YWHAB: variants seen among roughly 807,000 people sequenced by gnomAD.
YWHAB encodes tyrosine 3-monooxygenase/tryptophan 5-monooxygenase activation protein beta, also known as 14-3-3 protein beta/alpha.
Under a neutral mutation model 28.5 loss-of-function variants are expected in YWHAB, and 2 were observed. The ratio of observed to expected loss-of-function variants is 0.07; its 90% CI spans 0.03 to 0.22. The LOEUF (loss-of-function observed/expected upper bound fraction) is 0.22, where lower values mean the gene tolerates loss of function less well. YWHAB is among the 10% of genes least tolerant of loss of function. YWHAB has a pLI of 1.00. For missense variants in YWHAB, 148 were observed against 297.1 expected (o/e 0.50, Z 3.69); for synonymous variants, 103 against 104.7 (o/e 0.98, Z 0.10).
chr20:44,905,159 C>T (rs1211099905), intron 4 of YWHAB, 28 bp downstream of exon 4: 1 of 1,582,804 alleles, frequency 6.3e-7, no homozygotes, highest in South Asian at 1.2e-5. Context: ...TGATATCTAA[C>T]CATAGCAAAA....
intron 3 of YWHAB, among the ~76,000 whole-genome samples, chr20:44,904,553 A>G (rs1297594748): frequency 6.6e-6 from 1 of 152,158 alleles, no homozygotes; most frequent in Non-Finnish European, 1.5e-5. Flanking sequence ...GTTAGGTGGC[A>G]GGCTGCCCAT....
rs1204438902 is a variant in YWHAB, at chr20:44,907,222, A to G, written c.*784A>G. On this transcript the variant is annotated 3_prime_UTR_variant, in exon 6 of 6. Coordinates refer to ENST00000353703, the MANE Select transcript of YWHAB (RefSeq NM_139323.4). ...CTACTTTCATTGTTAACACTGAGCT[A>G]AAGAAAAAAAGCCGTGTGTTTTATG... The G allele has an allele frequency of 6.6e-6, 1 of 152,286 alleles. No homozygotes were observed. The highest frequency in any genetic ancestry group is 2.4e-5 in the African/African-American group (1 of 41,464). The allele number at this position is 152,286 out of a possible 1,614,324, so 9.4% of individuals were successfully genotyped here.
At chr20:44,892,266 G>T (rs1379027659) in intron 1 of YWHAB, among the ~76,000 whole-genome samples, 1 of 151,868 alleles carries the variant, frequency 6.6e-6, no homozygotes, top group Non-Finnish European at 1.5e-5. Context: ...ATCTGCTTTG[G>T]CCTTTGATTT....
chr20:44,898,028 C>T (rs1270732104), intron 1 of YWHAB, among the ~76,000 whole-genome samples: 1 of 152,016 alleles, frequency 6.6e-6, no homozygotes, highest in African/African-American at 2.4e-5. Context: ...GGGAGGCACA[C>T]GTAGGATATT....
intron 1 of YWHAB, among the ~76,000 whole-genome samples, chr20:44,891,294 C>T (rs1451598592): frequency 2.6e-5 from 4 of 152,018 alleles, no homozygotes; most frequent in African/African-American, 4.8e-5. Context: ...TTAGTAGAGA[C>T]GGGGTTTCAC....
chr20:44,904,540 C>A (rs564506313), intron 3 of YWHAB, among the ~76,000 whole-genome samples: 1 of 152,094 alleles, frequency 6.6e-6, no homozygotes, highest in Non-Finnish European at 1.5e-5. Flanking sequence ...CACAGCCTTA[C>A]GAGTTAGGTG....
chr20:44,906,190 T>C, intron 5 of YWHAB, 94 bp downstream of exon 5: 1 of 1,241,406 alleles, frequency 8.1e-7, no homozygotes, highest in Admixed American at 2.0e-5. Context: ...TACCATTAAA[T>C]GTAGTTACAG....
intron 2 of YWHAB, 87 bp from the exon 3 acceptor site, chr20:44,903,906 A>G: frequency 6.9e-7 from 1 of 1,440,270 alleles, no homozygotes; most frequent in South Asian, 1.3e-5. Context: ...AAAATTATTT[A>G]GAAGCAGTAG....
rs76216666 is a variant in YWHAB at position 44,896,219 on chromosome 20, A to G, written c.-3-5312A>G. ...ATTTTTTTAAAGTGAAATTGATTCT[A>G]TCTGTTTTTACTTAACCCATTATGA... On this transcript the variant is annotated intron_variant, in intron 1 of 5. Transcript: ENST00000353703. Among the ~76,000 whole-genome samples the G allele has an allele frequency of 5.8e-3, 877 of 152,344 alleles. 6 individuals are homozygous for G. The highest frequency in any genetic ancestry group is 0.02 in the African/African-American group (828 of 41,588).
intron 1 of YWHAB, among the ~76,000 whole-genome samples, chr20:44,898,735 T>G (rs975584723): frequency 4.6e-5 from 7 of 152,110 alleles, no homozygotes; most frequent in Non-Finnish European, 1.0e-4. Flanking sequence ...CTCGATCTCC[T>G]GACCTCGTGA....
At chr20:44,897,433 A>G (rs8120838) in intron 1 of YWHAB, among the ~76,000 whole-genome samples, 1 of 152,080 alleles carries the variant, frequency 6.6e-6, no homozygotes, top group Non-Finnish European at 1.5e-5. Flanking sequence ...CAGACTGGAA[A>G]TTTTCTGAAG....
At chr20:44,899,249 C>T (rs764391688) in intron 1 of YWHAB, among the ~76,000 whole-genome samples, 5 of 152,222 alleles carry the variant, frequency 3.3e-5, no homozygotes, top group African/African-American at 7.2e-5. Context: ...GAGGCCAAGG[C>T]GGGCAGATCA....
At chr20:44,898,505 T>G (rs992068633) in intron 1 of YWHAB, among the ~76,000 whole-genome samples, 11 of 148,398 alleles carry the variant, frequency 7.4e-5, no homozygotes, top group African/African-American at 1.2e-4. Flanking sequence ...TACTTTCTTG[T>G]TTTTTTTTTC....
At chr20:44,903,799 AT>A in intron 2 of YWHAB, 193 bp from the exon 3 acceptor site, 1 of 551,262 alleles carries the variant, frequency 1.8e-6, no homozygotes, top group Non-Finnish European at 3.1e-6. Context: ...GGTCAAAGTG[AT>A]TTTTAACAGA....
At chr20:44,895,082 C>A (rs996373706) in intron 1 of YWHAB, among the ~76,000 whole-genome samples, 5 of 152,130 alleles carry the variant, frequency 3.3e-5, no homozygotes, top group Non-Finnish European at 7.3e-5. Context: ...AGTCCTAGAC[C>A]ATGTAATAGG....
chr20:44,902,595 CCTTT>C (rs1439186204), intron 2 of YWHAB: 1 of 152,180 alleles, frequency 6.6e-6, no homozygotes, highest in Non-Finnish European at 1.5e-5. Flanking sequence ...CTGCTGGCTG[CCTTT>C]CTAAATTACT....
chr20:44,905,267 G>A (rs1023750756), intron 4 of YWHAB, 136 bp downstream of exon 4: 1 of 795,518 alleles, frequency 1.3e-6, no homozygotes, highest in Non-Finnish European at 1.9e-6. Flanking sequence ...TATCTTTTAT[G>A]AGATAAATAC....
At chr20:44,889,144 A>T (rs956642053) in intron 1 of YWHAB, among the ~76,000 whole-genome samples, 3 of 152,258 alleles carry the variant, frequency 2.0e-5, no homozygotes, top group Non-Finnish European at 4.4e-5. Context: ...AATTATGGTT[A>T]CATAATAGCA....
Position 44,906,389 on chromosome 20 carries a change from C to T in YWHAB, c.692C>T (p.Thr231Ile). The T allele has an allele frequency of 6.2e-7, 1 of 1,610,156 alleles. No individual in the cohort carries two copies. The highest frequency in any genetic ancestry group is 8.5e-7 in the Non-Finnish European group (1 of 1,178,860). Residue 231 changes from threonine (T) to isoleucine (I), a missense_variant, in exon 6 of 6, where the codon ACA (threonine) becomes ATA (isoleucine). Physicochemically the swap from Thr to Ile is moderately conservative, Grantham distance 89. Coordinates refer to ENST00000353703, the MANE Select transcript of YWHAB (RefSeq NM_139323.4). Reference sequence around the variant, plus strand: ...ACTTCCTTTCTCTTGCAGCTGTGGACATCGGAAAACCAGGGAGACGAAGGA... The same window carrying T: ...ACTTCCTTTCTCTTGCAGCTGTGGATATCGGAAAACCAGGGAGACGAAGGA... ...QLLRDNLTLWTSENQGDEGDA... is the reference protein window; with the variant it reads ...QLLRDNLTLWISENQGDEGDA...
Sources: gnomAD v4.1 joint callset for allele counts (sites outside exome capture counted in the v4.1 genomes callset) on GRCh38, gnomAD v4.1.1 for gene constraint, MANE v1.5 for transcripts, NCBI Gene and HGNC (gene_info 2026-07-23, HGNC 2026-07-21) for gene names.